Variants in NBEAL1 observed in about 807,000 individuals in gnomAD.
The protein encoded by NBEAL1 is neurobeachin like 1.
NBEAL1 carries 273 observed loss-of-function variants against 351.3 expected under a neutral mutation model. The ratio of observed to expected loss-of-function variants is 0.78; its 90% confidence interval spans 0.70 to 0.86. The LOEUF is 0.86. Among genes scored for constraint, NBEAL1 ranks in the 40% least tolerant of loss-of-function variants. The probability of loss-of-function intolerance (pLI) is 0.00; values close to 1 mark genes in which losing one functional copy is unlikely to be tolerated. For missense variants in NBEAL1, 2,961 were observed against 3,201.3 expected (o/e 0.92, Z 1.81); for synonymous variants, 1,050 against 1,086.4 (o/e 0.97, Z 0.66).
At chr2:203,194,226 A>C (rs1195749733) in intron 47 of NBEAL1, among the ~76,000 whole-genome samples, 1 of 152,182 alleles carries the variant, frequency 6.6e-6, no homozygotes, top group African/African-American at 2.4e-5. Flanking sequence ...ATAATAATTT[A>C]ATAGCTCTTA....
chr2:203,121,405 C>T (rs2062827380), intron 18 of NBEAL1, among the ~76,000 whole-genome samples: 1 of 152,118 alleles, frequency 6.6e-6, no homozygotes, highest in Non-Finnish European at 1.5e-5. Flanking sequence ...GTAATCCCAG[C>T]ACTTTGGGAG....
intron 17 of NBEAL1, among the ~76,000 whole-genome samples, chr2:203,113,709 T>TATAAGTGAG (rs2062623956): frequency 6.6e-6 from 1 of 152,116 alleles, no homozygotes; most frequent in East Asian, 1.9e-4. Flanking sequence ...CTCACTTCTA[T>TATAAGTGAG]ATAAGTGAGG....
chr2:203,039,770 G>A (rs1273017612), intron 2 of NBEAL1, among the ~76,000 whole-genome samples: 1 of 152,182 alleles, frequency 6.6e-6, no homozygotes, highest in Non-Finnish European at 1.5e-5. Flanking sequence ...TTTCATTTAT[G>A]CATGTTACTC....
chr2:203,152,928 C>T (rs2063697935), intron 35 of NBEAL1, among the ~76,000 whole-genome samples: 1 of 152,020 alleles, frequency 6.6e-6, no homozygotes, highest in Admixed American at 6.6e-5. Context: ...ATCCCAGCTA[C>T]TCCAGAGGCT....
At chr2:203,029,464 A>T (rs1039489114) in intron 2 of NBEAL1, among the ~76,000 whole-genome samples, 1 of 152,198 alleles carries the variant, frequency 6.6e-6, no homozygotes, top group Admixed American at 6.5e-5. Flanking sequence ...AGTTATCTGA[A>T]TGGATAGTTA....
chr2:203,040,714 T>C, intron 2 of NBEAL1: 1 of 609,164 alleles, frequency 1.6e-6, no homozygotes, highest in Non-Finnish European at 3.1e-6. Context: ...CCAGGAGATC[T>C]CATAGTTCTT....
chr2:203,188,825 A>G (rs1474206212), intron 45 of NBEAL1, among the ~76,000 whole-genome samples: 1 of 152,176 alleles, frequency 6.6e-6, no homozygotes, highest in East Asian at 1.9e-4. Context: ...TCTCTAACAT[A>G]TTTGTCCTAT....
At chr2:203,018,238 C>CT (rs1443144449) in intron 2 of NBEAL1, among the ~76,000 whole-genome samples, 16 of 141,088 alleles carry the variant, frequency 1.1e-4, no homozygotes, top group African/African-American at 1.5e-4. Flanking sequence ...AACCAGCTGA[C>CT]TTTTTTTTTT....
At position 203,068,466 on chromosome 2, in the gene NBEAL1, T is replaced by C. The variant is rs913063600; in HGVS notation, c.589T>C (p.Phe197Leu). 3.2e-5 allele frequency: 50 copies of C among 1,540,940 alleles called. No homozygotes were observed. Among genetic ancestry groups the C allele is most frequent in the Non-Finnish European group, 3.9e-5 (44 of 1,138,214 alleles). The change falls in exon 7 of 56, where the codon TTC becomes CTC. Residue 197 changes from phenylalanine to leucine, a missense_variant. Coordinates refer to ENST00000683969, the MANE Select transcript of NBEAL1 (RefSeq NM_001378026.1). The stretch of plus-strand genomic sequence containing the variant: ...TTCTCTCACAGTGGAATTCGTCCCT[T>C]TCTTTTATCGTAAGTAACACCTCTA... ...PASLTVEFVP[F>L]FYQCFQESEH...
rs185076732 is a variant in NBEAL1 at position 203,042,066 on chromosome 2, A to G, written c.143+210A>G. 7.2e-3 allele frequency among the ~76,000 whole-genome samples: 1,095 copies of G among 152,310 alleles called. 12 individuals carry two copies. The highest frequency in any genetic ancestry group is 0.012 in the Non-Finnish European group (804 of 68,024). ...TTCTAGAAAACTCTGCTTCTCTAGG[A>G]CACTACCAGCTGGTGTTCTGCAACA... is the stretch of plus-strand genomic sequence containing the variant. On this transcript the variant is annotated intron_variant, in intron 3 of 55. Coordinates refer to ENST00000683969, the MANE Select transcript of NBEAL1 (RefSeq NM_001378026.1).
At chr2:203,193,765 G>T (rs1469239845) in intron 46 of NBEAL1, 30 bp from the exon 47 acceptor site, 2 of 1,423,174 alleles carry the variant, frequency 1.4e-6, no homozygotes, top group Middle Eastern at 1.8e-4. Flanking sequence ...CATAGATATG[G>T]AATTGTTTTT....
intron 3 of NBEAL1, among the ~76,000 whole-genome samples, chr2:203,049,038 A>G (rs1020379219): frequency 2.6e-5 from 4 of 151,172 alleles, no homozygotes; most frequent in African/African-American, 7.3e-5. Flanking sequence ...ACAGAGTCTC[A>G]CTCTGTCACC....
At chr2:203,140,470 T>C (rs902477641) in intron 31 of NBEAL1, among the ~76,000 whole-genome samples, 8 of 152,146 alleles carry the variant, frequency 5.3e-5, no homozygotes. Context: ...TTTTTCTTTT[T>C]CTTACTATTA....
intron 2 of NBEAL1, among the ~76,000 whole-genome samples, chr2:203,028,369 T>C (rs1486987679): frequency 6.6e-6 from 1 of 152,078 alleles, no homozygotes; most frequent in Non-Finnish European, 1.5e-5. Context: ...ATTTTACTTT[T>C]ATGCTGAGCT....
rs762524350 is a variant in NBEAL1, at chr2:203,199,376, A to T, written c.7167A>T (p.Gly2389=). 7 of 1,606,840 alleles carry T rather than the reference A, an allele frequency of 4.4e-6. No individual in the cohort carries two copies. The highest frequency in any genetic ancestry group is 6.0e-6 in the Non-Finnish European group (7 of 1,174,082). Residue 2389 remains glycine (G), a synonymous_variant, in exon 49 of 56, where the codon GGA becomes GGT. Coordinates refer to ENST00000683969, the MANE Select transcript of NBEAL1 (RefSeq NM_001378026.1). ...ISMNYVIGTH[G]WLPYDRNISN... is the part of the protein sequence containing the mutation. The stretch of plus-strand genomic sequence containing the variant: ...TGAATTATGTTATTGGAACCCATGG[A>T]TGGTTGCCTTATGACAGAAACATTT...
At chr2:203,156,480 T>C (rs1045141825) in intron 35 of NBEAL1, among the ~76,000 whole-genome samples, 3 of 152,248 alleles carry the variant, frequency 2.0e-5, no homozygotes. Context: ...TCAGACTACC[T>C]AGGCTTCCTT....
At chr2:203,159,968 T>C (rs745398713) in intron 36 of NBEAL1, among the ~76,000 whole-genome samples, 4 of 152,084 alleles carry the variant, frequency 2.6e-5, no homozygotes, top group Non-Finnish European at 4.4e-5. Flanking sequence ...TTCTATCTTA[T>C]TTGCATTTTC....
At position 203,217,524 on chromosome 2, in the gene NBEAL1, A is replaced by C. The variant is rs2065910234; in HGVS notation, c.*170A>C. 8.2e-7 allele frequency: 1 copy of C among 1,217,334 alleles called. No individual in the cohort carries two copies. The highest frequency in any genetic ancestry group is 1.6e-5 in the African/African-American group (1 of 64,140). The allele number at this position is 1,217,334 out of a possible 1,614,324, so 75.4% of individuals were successfully genotyped here. On this transcript the variant is annotated 3_prime_UTR_variant, in exon 56 of 56. Transcript: ENST00000683969. ...AAACTAATTCTTGGTCTATACTAAG[A>C]TGTATTTGAGAAAATACATTTGATT...
intron 10 of NBEAL1, among the ~76,000 whole-genome samples, chr2:203,090,853 C>T (rs1019044944): frequency 3.3e-5 from 5 of 151,712 alleles, no homozygotes; most frequent in East Asian, 3.9e-4. Context: ...CACACCACTG[C>T]ACTCCAGCCT....
Sources: allele counts gnomAD v4.1 joint callset (sites outside exome capture counted in the v4.1 genomes callset), GRCh38; gene constraint gnomAD v4.1.1; transcripts MANE v1.5; gene names NCBI Gene and HGNC (gene_info 2026-07-23, HGNC 2026-07-21).